PARD3B: variants seen among roughly 807,000 people sequenced by gnomAD.
PARD3B encodes par-3 family cell polarity regulator beta, also known as partitioning defective 3 homolog B.
In PARD3B, 103 loss-of-function variants were observed where a neutral mutation model predicts 130.2. The ratio of observed to expected loss-of-function variants is 0.79; its 90% confidence interval spans 0.67 to 0.93. PARD3B has a LOEUF of 0.93. PARD3B is among the 40% of genes least tolerant of loss of function. The pLI is 0.00. For synonymous variants in PARD3B, 583 were observed against 553.2 expected (o/e 1.05, Z -0.76); for missense variants, 1,609 against 1,499.2 (o/e 1.07, Z -1.21).
intron 10 of PARD3B, among the ~76,000 whole-genome samples, chr2:205,147,875 C>T (rs2033475780): frequency 1.3e-5 from 2 of 152,040 alleles, no homozygotes; most frequent in East Asian, 3.9e-4. Context: ...TACATTTTTC[C>T]TTTCTTTATG....
At chr2:204,739,726 C>A (rs1002213992) in intron 2 of PARD3B, among the ~76,000 whole-genome samples, 3 of 152,200 alleles carry the variant, frequency 2.0e-5, no homozygotes, top group African/African-American at 7.2e-5. Context: ...GCAGGGATTA[C>A]AGGTGTGAGC....
At chr2:205,499,609 G>T (rs943295048) in intron 20 of PARD3B, among the ~76,000 whole-genome samples, 7 of 152,118 alleles carry the variant, frequency 4.6e-5, no homozygotes, top group Non-Finnish European at 1.0e-4. Flanking sequence ...GAAAAAAGTG[G>T]TGGGCCTTTT....
intron 21 of PARD3B, among the ~76,000 whole-genome samples, chr2:205,519,344 C>T (rs1309211223): frequency 6.6e-6 from 1 of 152,148 alleles, no homozygotes; most frequent in Non-Finnish European, 1.5e-5. Flanking sequence ...CTCTGAGATT[C>T]TTTCCTGATC....
intron 1 of PARD3B, among the ~76,000 whole-genome samples, chr2:204,596,950 C>CTATCTG (rs1160548587): frequency 4.6e-4 from 69 of 151,376 alleles, no homozygotes; most frequent in African/African-American, 1.5e-3. Flanking sequence ...ATCTGTCTCT[C>CTATCTG]TCTCTCTCTC....
At chr2:204,928,444 C>T (rs1687793505) in intron 2 of PARD3B, among the ~76,000 whole-genome samples, 1 of 152,130 alleles carries the variant, frequency 6.6e-6, no homozygotes, top group Non-Finnish European at 1.5e-5. Flanking sequence ...GGAAAGACTA[C>T]AAGGACGATA....
At chr2:204,665,152 A>G (rs954244026) in intron 1 of PARD3B, among the ~76,000 whole-genome samples, 1 of 151,786 alleles carries the variant, frequency 6.6e-6, no homozygotes, top group Non-Finnish European at 1.5e-5. Context: ...GCTTTTCAAA[A>G]TCTTTAGAAA....
intron 3 of PARD3B, among the ~76,000 whole-genome samples, chr2:204,997,492 T>A (rs1011539664): frequency 5.3e-5 from 8 of 152,220 alleles, no homozygotes; most frequent in African/African-American, 1.9e-4. Context: ...GTACCTGATA[T>A]TTTGATGCTA....
At chr2:205,222,726 A>G (rs1051693815) in intron 15 of PARD3B, among the ~76,000 whole-genome samples, 1 of 152,186 alleles carries the variant, frequency 6.6e-6, no homozygotes, top group African/African-American at 2.4e-5. Context: ...ATATTTGTCA[A>G]AGGTCTGAGA....
chr2:204,774,453 A>G (rs868505888), intron 2 of PARD3B, among the ~76,000 whole-genome samples: 1 of 152,106 alleles, frequency 6.6e-6, no homozygotes, highest in Non-Finnish European at 1.5e-5. Flanking sequence ...GGTTTGGGAT[A>G]TAGTGTGGGG....
intron 2 of PARD3B, among the ~76,000 whole-genome samples, chr2:204,784,041 T>C (rs1487398139): frequency 1.3e-5 from 2 of 152,038 alleles, no homozygotes; most frequent in African/African-American, 4.8e-5. Flanking sequence ...AAAGAGAGAA[T>C]AGAATCAACG....
intron 20 of PARD3B, among the ~76,000 whole-genome samples, chr2:205,447,346 T>G (rs1158864167): frequency 6.6e-6 from 1 of 152,172 alleles, no homozygotes; most frequent in Non-Finnish European, 1.5e-5. Flanking sequence ...CAATAAATAT[T>G]TTTGGAATAA....
intron 3 of PARD3B, among the ~76,000 whole-genome samples, chr2:205,009,802 G>A (rs1466488592): frequency 5.9e-5 from 9 of 151,986 alleles, no homozygotes; most frequent in Admixed American, 5.9e-4. Flanking sequence ...CTTTTCCTAT[G>A]ACAAGTACAT....
chr2:205,218,811 G>C (rs2038084094), intron 15 of PARD3B, among the ~76,000 whole-genome samples: 2 of 152,102 alleles, frequency 1.3e-5, no homozygotes. Flanking sequence ...TGGGCATGGT[G>C]GCTCATGGCT....
At chr2:205,373,122 A>T (rs780210050) in intron 18 of PARD3B, among the ~76,000 whole-genome samples, 2 of 152,180 alleles carry the variant, frequency 1.3e-5, no homozygotes, top group African/African-American at 2.4e-5. Context: ...GCCATGTGCT[A>T]TTCAGGGAAA....
chr2:205,254,088 TAAAAAAAAAAA>T (rs11287171), intron 16 of PARD3B, among the ~76,000 whole-genome samples: 2 of 75,972 alleles, frequency 2.6e-5, no homozygotes, highest in African/African-American at 4.7e-5. Flanking sequence ...GTAGAGAAAT[TAAAAAAAAAAA>T]AAAAAAAAAA....
intron 21 of PARD3B, among the ~76,000 whole-genome samples, chr2:205,527,342 AT>A (rs576222176): frequency 6.6e-6 from 1 of 151,936 alleles, no homozygotes; most frequent in South Asian, 2.1e-4. Flanking sequence ...AGAAAAAGTC[AT>A]TTTTTTTACT....
chr2:204,643,113 C>CAAAAAAAAAAAA (rs1252171157), intron 1 of PARD3B, among the ~76,000 whole-genome samples: 3 of 4,306 alleles, frequency 7.0e-4, no homozygotes, highest in African/African-American at 1.2e-3. Flanking sequence ...GACTCTGTCT[C>CAAAAAAAAAAAA]ACAAAAAAAA....
At chr2:204,695,281 T>C (rs1318214160) in intron 2 of PARD3B, among the ~76,000 whole-genome samples, 1 of 152,004 alleles carries the variant, frequency 6.6e-6, no homozygotes, top group African/African-American at 2.4e-5. Flanking sequence ...ACATCTGTTT[T>C]TTTACTTATG....
chr2:204,999,143 T>TA (rs1454292178), intron 3 of PARD3B, among the ~76,000 whole-genome samples: 1 of 152,074 alleles, frequency 6.6e-6, no homozygotes, highest in Non-Finnish European at 1.5e-5. Flanking sequence ...AGGATGTCTG[T>TA]ATCTGTTTTT....
Sources: gnomAD v4.1 joint callset for allele counts (sites outside exome capture counted in the v4.1 genomes callset) on GRCh38, gnomAD v4.1.1 for gene constraint, MANE v1.5 for transcripts, NCBI Gene and HGNC (gene_info 2026-07-23, HGNC 2026-07-21) for gene names.